The following ACIN1 variants were observed in gnomAD, a reference collection of about 807,000 sequenced individuals.
ACIN1 encodes the protein apoptotic chromatin condensation inducer 1.
ACIN1 carries 16 observed loss-of-function variants against 146.6 expected under a neutral mutation model. The ratio of observed to expected loss-of-function variants is 0.11; its 90% CI spans 0.07 to 0.17. The LOEUF is 0.17. Among genes scored for constraint, ACIN1 ranks in the 10% least tolerant of loss-of-function variants. The pLI, the probability that ACIN1 is intolerant of heterozygous loss-of-function variation, is 1.00. For missense variants in ACIN1, 1,357 were observed against 1,609.3 expected, an observed-to-expected ratio of 0.84 and a Z score of 2.68; for synonymous variants, 569 against 582.7, an observed-to-expected ratio of 0.98 and a Z score of 0.34.
intron 2 of ACIN1, among the ~76,000 whole-genome samples, chr14:23,092,767 T>C (rs975405265): frequency 6.6e-6 from 1 of 152,190 alleles, no homozygotes; most frequent in Admixed American, 6.5e-5. Context: ...AGAAACTCAA[T>C]AGTTAAAAAG....
intron 9 of ACIN1, 46 bp downstream of exon 9, chr14:23,069,430 G>C (rs1007309318): frequency 1.3e-6 from 2 of 1,596,112 alleles, no homozygotes; most frequent in Admixed American, 3.4e-5. Flanking sequence ...CTTTCCCCTA[G>C]GTCCATTCCT....
intron 8 of ACIN1, chr14:23,071,142 T>C: frequency 1.3e-6 from 2 of 1,551,664 alleles, no homozygotes; most frequent in Non-Finnish European, 1.7e-6. Flanking sequence ...TGCTTTCTGA[T>C]AACATGATTT....
intron 8 of ACIN1, among the ~76,000 whole-genome samples, chr14:23,075,175 A>G (rs2047766290): frequency 6.6e-6 from 1 of 152,130 alleles, no homozygotes; most frequent in Admixed American, 6.5e-5. Flanking sequence ...AAGGACAAAC[A>G]TGCATTGTAC....
chr14:23,092,463 T>C (rs2048254020), intron 2 of ACIN1, among the ~76,000 whole-genome samples: 1 of 152,200 alleles, frequency 6.6e-6, no homozygotes, highest in African/African-American at 2.4e-5. Flanking sequence ...TGCAGTTTCT[T>C]ATGCTTGTTA....
chr14:23,095,246 C>G (rs755085668), upstream of ACIN1: 2 of 1,608,504 alleles, frequency 1.2e-6, no homozygotes, highest in Non-Finnish European at 1.7e-6. Context: ...CAGAACTCCC[C>G]GGGTTCCTCC....
chr14:23,095,220 C>T (rs749085428), upstream of ACIN1: 2 of 1,613,924 alleles, frequency 1.2e-6, no homozygotes, highest in Non-Finnish European at 1.7e-6. Flanking sequence ...CCATACTCTA[C>T]CCCTCGATTA....
At position 23,080,291 on chromosome 14, in the gene ACIN1, C is replaced by T. The variant is rs2140158241; in HGVS notation, c.1044G>A (p.Glu348=). 1 of 1,614,208 alleles carries T rather than the reference C, an allele frequency of 6.2e-7. No homozygotes were observed. The highest frequency in any genetic ancestry group is 1.1e-5 in the South Asian group (1 of 91,080). The part of the protein sequence containing the change: ...RKKASLVALP[E]QTASEEETPP... ...GAGTCTCCTCCTCGCTGGCAGTTTG[C>T]TCTGGCAGCGCTACAAGTGAGGCCT... The change falls in exon 6 of 19, where the codon GAG becomes GAA. Residue 348 remains glutamate, a synonymous_variant. Coordinates refer to ENST00000605057, the MANE Select transcript of ACIN1 (RefSeq NM_001386863.1).
chr14:23,094,589 C>G (rs1424519514), intron 1 of ACIN1: 1 of 965,702 alleles, frequency 1.0e-6, no homozygotes. Context: ...AACTATACCC[C>G]TAACTCCGAC....
chr14:23,074,276 A>G (rs897612081), intron 8 of ACIN1, among the ~76,000 whole-genome samples: 1 of 151,048 alleles, frequency 6.6e-6, no homozygotes, highest in Non-Finnish European at 1.5e-5. Flanking sequence ...TTTTCAGACA[A>G]TAATGAGGGC....
At chr14:23,085,795 A>C (rs2048076801) in intron 4 of ACIN1, among the ~76,000 whole-genome samples, 1 of 152,242 alleles carries the variant, frequency 6.6e-6, no homozygotes, top group Non-Finnish European at 1.5e-5. Context: ...AGATGTTAGT[A>C]ACACGTGTAG....
At chr14:23,070,642 C>T (rs1352716983) in intron 8 of ACIN1, among the ~76,000 whole-genome samples, 1 of 152,160 alleles carries the variant, frequency 6.6e-6, no homozygotes, top group Non-Finnish European at 1.5e-5. Flanking sequence ...CCCTCTACCA[C>T]CCAAACACCA....
At chr14:23,081,451 G>A (rs543725984) in intron 5 of ACIN1, among the ~76,000 whole-genome samples, 49 of 152,264 alleles carry the variant, frequency 3.2e-4, no homozygotes, top group Middle Eastern at 3.4e-3. Flanking sequence ...AGATGACAAA[G>A]AGGAGAAGGA....
chr14:23,083,382 G>A (rs750481835), intron 4 of ACIN1, among the ~76,000 whole-genome samples: 4 of 152,098 alleles, frequency 2.6e-5, no homozygotes, highest in Non-Finnish European at 2.9e-5. Context: ...CAAATGTCAT[G>A]ATTGAGAAAA....
intron 6 of ACIN1, 76 bp from the exon 7 acceptor site, chr14:23,079,114 G>C (rs1321096248): frequency 3.5e-6 from 5 of 1,427,566 alleles, no homozygotes; most frequent in Non-Finnish European, 4.7e-6. Context: ...GAGTTTTCCA[G>C]TTTCCATGGA....
At chr14:23,065,407 G>T (rs2047421666) in intron 10 of ACIN1, among the ~76,000 whole-genome samples, 1 of 152,224 alleles carries the variant, frequency 6.6e-6, no homozygotes, top group South Asian at 2.1e-4. Flanking sequence ...CCAACATGGG[G>T]AAACCCCATC....
rs201233896 is a variant in ACIN1, at chr14:23,061,525, G to T, written c.3197C>A (p.Pro1066Gln). The T allele has an allele frequency of 1.6e-5, 25 of 1,602,930 alleles. No homozygotes were observed. Among genetic ancestry groups the T allele is most frequent in the Non-Finnish European group, 2.0e-5 (24 of 1,175,236 alleles). ...CCGGGGGTGCTGTGGTGGCTGGACC[G>T]GGGGTGGGGGTGGGGGGTGCAGGGG... ...PRPLHPPPPP[P>Q]VQPPQHPRAE... The change falls in exon 17 of 19, where the codon CCG (proline) becomes CAG (glutamine). Residue 1066 changes from proline (P) to glutamine (Q), a missense_variant. Physicochemically the swap from Pro to Gln is moderately conservative, Grantham distance 76. Around this residue, in one of 4 missense-constraint regions of ACIN1, gnomAD observed 509 missense variants for 719.6 expected, o/e 0.71. Coordinates refer to ENST00000605057, the MANE Select transcript of ACIN1 (RefSeq NM_001386863.1).
intron 4 of ACIN1, among the ~76,000 whole-genome samples, chr14:23,085,087 TA>T (rs970149901): frequency 4.5e-4 from 68 of 151,970 alleles, no homozygotes; most frequent in African/African-American, 1.6e-3. Flanking sequence ...CTCACGCCTG[TA>T]ATCCCAGCAC....
chr14:23,068,985 TG>T lies in ACIN1; in HGVS notation c.2265+490del, dbSNP rs1177257785. 5.1e-6 allele frequency: 5 copies of T among 973,974 alleles called. No homozygotes were observed. The highest frequency in any genetic ancestry group is 4.3e-5 in the African/African-American group (2 of 46,610). 60.3% of individuals were successfully genotyped at this position (973,974 alleles called of 1,614,324 possible). A position where few individuals can be genotyped will look rare whatever the true frequency, so the allele number is the denominator to read the frequency against. On this transcript the variant is annotated intron_variant, in intron 9 of 18. Transcript: ENST00000605057. This position sits in a 1 kb window ranked among gnomAD's most constrained non-coding sequence, Gnocchi z 4.3. ...AATGGGCCTTCCGGATCACAAGTGC[TG>T]GCTTCTAAGTAGCTACATCTCTGCA...
chr14:23,079,401 A>C, intron 6 of ACIN1, 146 bp downstream of exon 6: 1 of 1,379,788 alleles, frequency 7.2e-7, no homozygotes, highest in Non-Finnish European at 9.8e-7. Flanking sequence ...TACGATTCTG[A>C]AATGAGGAGA....
Sources: gnomAD v4.1 joint callset for allele counts (sites outside exome capture counted in the v4.1 genomes callset) on GRCh38, gnomAD v4.1.1 for gene constraint, gnomAD v4.1.1 regional missense constraint, Gnocchi (gnomAD v3.1) non-coding constraint, MANE v1.5 for transcripts, NCBI Gene and HGNC (gene_info 2026-07-23, HGNC 2026-07-21) for gene names.